The following KLHL29 variants were observed in gnomAD, a reference collection of about 807,000 sequenced individuals.
The protein encoded by KLHL29 is kelch like family member 29.
A neutral mutation model predicts 80.4 loss-of-function variants in KLHL29; 21 were observed. That is an observed-to-expected ratio of 0.26 (90% confidence interval 0.19 to 0.38). The LOEUF is 0.38. KLHL29 is among the 10% of genes least tolerant of loss of function. The pLI is 1.00. For synonymous variants in KLHL29, 511 were observed against 526.8 expected, an observed-to-expected ratio of 0.97 and a Z score of 0.41; for missense variants, 867 against 1,223.9, an observed-to-expected ratio of 0.71 and a Z score of 4.35.
chr2:23,559,351 TAA>T (rs1667382834), intron 2 of KLHL29, among the ~76,000 whole-genome samples: 1 of 151,912 alleles, frequency 6.6e-6, no homozygotes, highest in Non-Finnish European at 1.5e-5. Flanking sequence ...AGCAGGAAAG[TAA>T]AGTGTCATGA....
intron 1 of KLHL29, among the ~76,000 whole-genome samples, chr2:23,473,583 C>T (rs540097564): frequency 6.6e-6 from 1 of 152,120 alleles, no homozygotes; most frequent in African/African-American, 2.4e-5. Context: ...CGTAGACAGC[C>T]TGTGCTTCCT....
chr2:23,632,039 A>G (rs1221389324), intron 3 of KLHL29, among the ~76,000 whole-genome samples: 1 of 152,150 alleles, frequency 6.6e-6, no homozygotes, highest in Non-Finnish European at 1.5e-5. Context: ...CCCTCGCCCA[A>G]CACCAACTGA....
intron 3 of KLHL29, among the ~76,000 whole-genome samples, chr2:23,594,871 T>A (rs936753592): frequency 6.6e-6 from 1 of 152,200 alleles, no homozygotes; most frequent in Non-Finnish European, 1.5e-5. Context: ...GTCAGGACAT[T>A]TATTTATTAT....
Position 23,639,155 on chromosome 2 carries a change from A to G in KLHL29, c.302A>G (p.Lys101Arg). 2.0e-6 allele frequency: 3 copies of G among 1,537,288 alleles called. No homozygotes were observed. Among genetic ancestry groups the G allele is most frequent in the Non-Finnish European group, 8.8e-7 (1 of 1,142,054 alleles). The part of the protein sequence containing the change: ...AVTTKAPGIS[K>R]GDSQSQGLAT... ...TTCCCACAGGCTCCCGGCATCTCCA[A>G]AGGGGACAGTCAGTCCCAGGGACTG... The change falls in exon 4 of 14, where the codon AAA (lysine) becomes AGA (arginine). Residue 101 changes from lysine (K) to arginine (R), a missense_variant. This residue lies in a region of KLHL29 where 424 missense variants were observed against 456.9 expected (regional missense o/e 0.93). Coordinates refer to ENST00000486442, the MANE Select transcript of KLHL29 (RefSeq NM_052920.2).
At chr2:23,435,419 A>T (rs1442151958) in intron 1 of KLHL29, among the ~76,000 whole-genome samples, 1 of 152,182 alleles carries the variant, frequency 6.6e-6, no homozygotes, top group African/African-American at 2.4e-5. Flanking sequence ...TAGGCTGATC[A>T]GGGAGAGGCT....
At chr2:23,693,714 C>G (rs1671767219) in intron 8 of KLHL29, among the ~76,000 whole-genome samples, 186 bp downstream of exon 8, 1 of 152,186 alleles carries the variant, frequency 6.6e-6, no homozygotes, top group South Asian at 2.1e-4. Flanking sequence ...GCTGGCATTC[C>G]ACCCCAAAGG....
chr2:23,566,710 A>G (rs1667598366), intron 3 of KLHL29, among the ~76,000 whole-genome samples: 1 of 152,248 alleles, frequency 6.6e-6, no homozygotes, highest in Non-Finnish European at 1.5e-5. Context: ...TATGTCTCTG[A>G]ACCTCAGTTT....
rs980473081 is a variant in KLHL29, at chr2:23,412,129, G to C, written c.-154+26349G>C. 6.8e-5 allele frequency among the ~76,000 whole-genome samples: 10 copies of C among 146,316 alleles called. 1 individual carries two copies. The highest frequency in any genetic ancestry group is 2.2e-4 in the South Asian group (1 of 4,584). On this transcript the variant is annotated intron_variant, in intron 1 of 13. Transcript: ENST00000486442. The stretch of plus-strand genomic sequence containing the variant: ...AAAAATGTGTGTGCGTGAAGGGGGG[G>C]GGGGGGCGGTGCGGTAGAGGTAGGA...
chr2:23,654,094 G>C (rs1670165475), intron 5 of KLHL29, among the ~76,000 whole-genome samples: 1 of 152,090 alleles, frequency 6.6e-6, no homozygotes, highest in African/African-American at 2.4e-5. Flanking sequence ...TTGAACCCAG[G>C]AGGTAGAGGT....
intron 5 of KLHL29, among the ~76,000 whole-genome samples, chr2:23,659,041 C>T (rs565443212): frequency 2.6e-5 from 4 of 152,236 alleles, no homozygotes; most frequent in African/African-American, 7.2e-5. Context: ...CTGTCTCCCC[C>T]ACTCAACTGT....
intron 5 of KLHL29, among the ~76,000 whole-genome samples, chr2:23,670,917 G>GCTCTCT (rs1553353334): frequency 2.7e-4 from 5 of 18,564 alleles, no homozygotes; most frequent in African/African-American, 8.0e-4. Flanking sequence ...ACATGCACGC[G>GCTCTCT]CTCTCTCTCT....
intron 1 of KLHL29, among the ~76,000 whole-genome samples, chr2:23,445,063 C>T (rs1282679735): frequency 6.6e-6 from 1 of 152,032 alleles, no homozygotes; most frequent in Non-Finnish European, 1.5e-5. Context: ...TGTTATAAGA[C>T]AATGTTGAAT....
At chr2:23,689,692 A>C (rs1671459067) in intron 6 of KLHL29, 1 of 152,460 alleles carries the variant, frequency 6.6e-6, no homozygotes, top group Non-Finnish European at 1.5e-5. Flanking sequence ...CAGGGCAGAA[A>C]GGGCATGCAG....
rs149080311 is a variant in KLHL29 at position 23,541,765 on chromosome 2, C to CAAAAAAAAAAAAAAAA, written c.-45-20381_-45-20380insAAAAAAAAAAAAAAAA. 2.0e-3 allele frequency among the ~76,000 whole-genome samples: 282 copies of CAAAAAAAAAAAAAAAA among 139,622 alleles called. 8 individuals are homozygous for CAAAAAAAAAAAAAAAA. The highest frequency in any genetic ancestry group is 8.1e-3 in the African/African-American group (275 of 33,986). 91.6% of individuals were successfully genotyped at this position (139,622 alleles called of 152,430 possible). A position where few individuals can be genotyped will look rare whatever the true frequency, so the allele number is the denominator to read the frequency against. ...AAAGAGCTTTTAAAAAAGCCCAACC[C>CAAAAAAAAAAAAAAAA]AAAAAACAAAAAAAAAAAAACCATA... is the stretch of plus-strand genomic sequence containing the variant. On this transcript the variant is annotated intron_variant, in intron 2 of 13. Transcript: ENST00000486442.
intron 5 of KLHL29, among the ~76,000 whole-genome samples, chr2:23,672,164 G>A (rs945165932): frequency 1.3e-5 from 2 of 152,214 alleles, no homozygotes; most frequent in South Asian, 2.1e-4. Flanking sequence ...CAGGGCCAGA[G>A]CACCCAACCG....
intron 3 of KLHL29, among the ~76,000 whole-genome samples, chr2:23,576,351 A>T (rs1044969691): frequency 6.6e-6 from 1 of 151,200 alleles, no homozygotes; most frequent in African/African-American, 2.4e-5. Flanking sequence ...TGTGAGTTTT[A>T]TTCTTCCACG....
chr2:23,675,533 C>T (rs950936067), intron 5 of KLHL29, among the ~76,000 whole-genome samples: 6 of 152,144 alleles, frequency 3.9e-5, no homozygotes, highest in Admixed American at 6.5e-5. Context: ...TCTTATGATC[C>T]GGGCAGCTGG....
chr2:23,637,829 C>T (rs1052443550), intron 3 of KLHL29, among the ~76,000 whole-genome samples: 8 of 152,064 alleles, frequency 5.3e-5, no homozygotes, highest in African/African-American at 1.9e-4. Flanking sequence ...CCGTGAGGAC[C>T]ATGGTCCTCA....
chr2:23,472,725 C>T (rs1480946546), intron 1 of KLHL29, among the ~76,000 whole-genome samples: 4 of 152,162 alleles, frequency 2.6e-5, no homozygotes, highest in African/African-American at 9.7e-5. Flanking sequence ...GTGGTATTCT[C>T]TGTATTTCCT....
Sources: allele counts gnomAD v4.1 joint callset (sites outside exome capture counted in the v4.1 genomes callset), GRCh38; gene constraint gnomAD v4.1.1; regional missense constraint gnomAD v4.1.1; transcripts MANE v1.5; gene names NCBI Gene and HGNC (gene_info 2026-07-23, HGNC 2026-07-21).